EYA3: variants seen among roughly 807,000 people sequenced by gnomAD.
The protein encoded by EYA3 is EYA transcriptional coactivator and phosphatase 3.
A neutral mutation model predicts 80.0 loss-of-function variants in EYA3; 39 were observed. The ratio of observed to expected loss-of-function variants is 0.49; its 90% CI spans 0.38 to 0.64. EYA3 has a LOEUF of 0.64. Ranked by LOEUF, EYA3 falls within the 30% of genes least tolerant of loss-of-function variation. EYA3 has a pLI of 0.00. For synonymous variants in EYA3, 206 were observed against 232.8 expected (o/e 0.88, Z 1.05); for missense variants, 523 against 676.1 (o/e 0.77, Z 2.51).
Position 27,971,602 on chromosome 1 carries a change from CAACAAAAAAAAAAA to C in EYA3, c.*2850_*2863del, listed in dbSNP as rs1285134252. On this transcript the variant is annotated 3_prime_UTR_variant, in exon 18 of 18. Transcript: ENST00000373871. ...GAGCGAGACTCCATCTCAACAACAA[CAACAAAAAAAAAAA>C]AAAAAAAAAAAAGAGAACCCACCAT... is the stretch of plus-strand genomic sequence containing the variant. The C allele has an allele frequency of 3.2e-5, 1 of 31,478 alleles. No homozygotes were observed. Among genetic ancestry groups the C allele is most frequent in the Non-Finnish European group, 7.2e-5 (1 of 13,884 alleles). The allele number at this position is 31,478 out of a possible 1,614,324, so 1.9% of individuals were successfully genotyped here.
At chr1:28,067,579 ATC>A (rs2148921198) in intron 1 of EYA3, among the ~76,000 whole-genome samples, 1 of 152,338 alleles carries the variant, frequency 6.6e-6, no homozygotes, top group African/African-American at 2.4e-5. Flanking sequence ...AGCATTTCAA[ATC>A]ACAGTGATCT....
intron 1 of EYA3, among the ~76,000 whole-genome samples, chr1:28,061,521 TAAAAG>T (rs1201759029): frequency 6.6e-6 from 1 of 151,192 alleles, no homozygotes; most frequent in African/African-American, 2.4e-5. Flanking sequence ...AACTTGGTAA[TAAAAG>T]AAGTACAGAA....
At chr1:28,068,367 A>G (rs1644907832) in intron 1 of EYA3, among the ~76,000 whole-genome samples, 1 of 151,504 alleles carries the variant, frequency 6.6e-6, no homozygotes, top group African/African-American at 2.4e-5. Flanking sequence ...TCCTAATATT[A>G]TTACCTTAGG....
chr1:27,993,148 C>T (rs1640191216), intron 14 of EYA3, among the ~76,000 whole-genome samples: 1 of 152,080 alleles, frequency 6.6e-6, no homozygotes, highest in African/African-American at 2.4e-5. Flanking sequence ...GAACATGTTT[C>T]CTTTAAAAAG....
At chr1:27,994,957 G>T (rs536278136) in intron 13 of EYA3, among the ~76,000 whole-genome samples, 1 of 146,578 alleles carries the variant, frequency 6.8e-6, no homozygotes, top group African/African-American at 2.5e-5. Flanking sequence ...AGCAGGCCCC[G>T]TCTCTTTGGA....
At chr1:28,076,348 C>T (rs1004950166) in intron 1 of EYA3, among the ~76,000 whole-genome samples, 5 of 152,082 alleles carry the variant, frequency 3.3e-5, no homozygotes, top group Admixed American at 2.0e-4. Flanking sequence ...GAGAAAGTTG[C>T]TTTTTAAAAT....
At chr1:28,023,124 T>G (rs1015659774) in intron 7 of EYA3, among the ~76,000 whole-genome samples, 2 of 151,478 alleles carry the variant, frequency 1.3e-5, no homozygotes, top group African/African-American at 4.9e-5. Flanking sequence ...AATGGGAGTA[T>G]GTCAAAAGGC....
At chr1:28,028,912 G>A (rs1298930189) in intron 6 of EYA3, among the ~76,000 whole-genome samples, 2 of 151,834 alleles carry the variant, frequency 1.3e-5, no homozygotes, top group African/African-American at 4.8e-5. Context: ...GTAGAGGTGG[G>A]GTCTTGCTAT....
At chr1:27,993,845 A>T (rs1033779512) in intron 13 of EYA3, among the ~76,000 whole-genome samples, 8 of 152,234 alleles carry the variant, frequency 5.3e-5, no homozygotes, top group Admixed American at 5.2e-4. Context: ...CTTTTTCACT[A>T]ATGACAGAAA....
At chr1:28,080,758 T>C (rs1189695540) in intron 1 of EYA3, among the ~76,000 whole-genome samples, 1 of 152,024 alleles carries the variant, frequency 6.6e-6, no homozygotes, top group Non-Finnish European at 1.5e-5. Context: ...CTTTTTTGTT[T>C]GTTTGTTTTG....
chr1:28,082,118 TA>T (rs1164162784), intron 1 of EYA3, among the ~76,000 whole-genome samples: 1 of 152,042 alleles, frequency 6.6e-6, no homozygotes, highest in Non-Finnish European at 1.5e-5. Context: ...AAAGCTACTA[TA>T]AAAAAACAGT....
intron 6 of EYA3, among the ~76,000 whole-genome samples, chr1:28,034,214 G>T (rs139750362): frequency 6.6e-6 from 1 of 152,036 alleles, no homozygotes; most frequent in African/African-American, 2.4e-5. Flanking sequence ...AATAGGAGTT[G>T]TATTTAATAT....
At chr1:27,976,677 T>A (rs1159288445) in intron 17 of EYA3, among the ~76,000 whole-genome samples, 1 of 152,206 alleles carries the variant, frequency 6.6e-6, no homozygotes, top group African/African-American at 2.4e-5. Context: ...GAGTATAGGT[T>A]GAACTGGATA....
intron 6 of EYA3, among the ~76,000 whole-genome samples, chr1:28,032,590 A>C (rs1643213581): frequency 6.6e-6 from 1 of 152,160 alleles, no homozygotes; most frequent in Non-Finnish European, 1.5e-5. Context: ...CTAAAGGCAT[A>C]TTTTATAACT....
chr1:27,994,588 G>A (rs1479652670), intron 13 of EYA3, among the ~76,000 whole-genome samples: 1 of 152,158 alleles, frequency 6.6e-6, no homozygotes, highest in East Asian at 1.9e-4. Flanking sequence ...TCGGGAGACT[G>A]AGGAAGGAGA....
chr1:28,070,242 GA>G (rs1644974671), intron 1 of EYA3, among the ~76,000 whole-genome samples: 1 of 152,002 alleles, frequency 6.6e-6, no homozygotes. Context: ...CAGACAAACT[GA>G]AAACGAAAGT....
intron 10 of EYA3, among the ~76,000 whole-genome samples, chr1:28,004,945 T>C (rs1351372974): frequency 6.6e-6 from 1 of 151,916 alleles, no homozygotes; most frequent in Non-Finnish European, 1.5e-5. Context: ...TTTGGCTAAA[T>C]TGACTAAGGG....
chr1:28,074,502 C>G (rs1645135120), intron 1 of EYA3, among the ~76,000 whole-genome samples: 2 of 146,598 alleles, frequency 1.4e-5, no homozygotes, highest in Non-Finnish European at 3.0e-5. Context: ...TTCTTTAGTT[C>G]TTTGAACTTT....
At chr1:28,008,091 TTC>T (rs1013457670) in intron 10 of EYA3, among the ~76,000 whole-genome samples, 13 of 152,316 alleles carry the variant, frequency 8.5e-5, no homozygotes, top group African/African-American at 2.4e-4. Flanking sequence ...TGATCAATTT[TTC>T]TTTTTCTTTT....
Sources: allele counts gnomAD v4.1 joint callset (sites outside exome capture counted in the v4.1 genomes callset), GRCh38; gene constraint gnomAD v4.1.1; transcripts MANE v1.5; gene names NCBI Gene and HGNC (gene_info 2026-07-23, HGNC 2026-07-21).